Variants in IGF2BP2 observed in about 807,000 individuals in gnomAD.
IGF2BP2 encodes insulin-like growth factor 2 mRNA-binding protein 2.
Under a neutral mutation model 75.8 loss-of-function variants are expected in IGF2BP2, and 17 were observed. The ratio of observed to expected loss-of-function variants is 0.22; its 90% CI spans 0.15 to 0.34. IGF2BP2 has a LOEUF of 0.34. Ranked by LOEUF, IGF2BP2 falls within the 10% of genes least tolerant of loss-of-function variation. IGF2BP2 has a pLI of 1.00. For missense variants in IGF2BP2, 516 were observed against 772.4 expected (o/e 0.67, Z 3.93); for synonymous variants, 288 against 295.6 (o/e 0.97, Z 0.26).
rs1359465743 is a variant in IGF2BP2, at chr3:185,689,761, G to A, written c.405-134C>T. ...AGGCGGGTGGATCACGAGGTCAGGA[G>A]ATCGAGACCATCCCGGCTAAAACGG... On this transcript the variant is annotated intron_variant, in intron 5 of 15. Coordinates refer to ENST00000382199, the MANE Select transcript of IGF2BP2 (RefSeq NM_006548.6). The A allele has an allele frequency of 5.4e-6, 5 of 924,804 alleles. No individual in the cohort carries two copies. The South Asian group carries it at 6.1e-5, about 11-fold the overall frequency. 57.3% of individuals were successfully genotyped at this position (924,804 alleles called of 1,614,324 possible). A position where few individuals can be genotyped will look rare whatever the true frequency, so the allele number is the denominator to read the frequency against.
intron 2 of IGF2BP2, among the ~76,000 whole-genome samples, chr3:185,752,879 G>T (rs758922521): frequency 6.6e-6 from 1 of 152,266 alleles, no homozygotes; most frequent in South Asian, 2.1e-4. Context: ...TTACAGGCAT[G>T]AGCCACCATG....
At chr3:185,801,811 C>T (rs1268386715) in intron 2 of IGF2BP2, among the ~76,000 whole-genome samples, 10 of 152,172 alleles carry the variant, frequency 6.6e-5, no homozygotes, top group Non-Finnish European at 1.3e-4. Context: ...ATGTGGCACA[C>T]ATACAGCATG....
chr3:185,823,336 A>ACC, intron 1 of IGF2BP2, 123 bp from the exon 2 acceptor site: 1 of 595,450 alleles, frequency 1.7e-6, no homozygotes, highest in Non-Finnish European at 2.8e-6. Context: ...GGGGTCTCCT[A>ACC]CCCGGATCGA....
Position 185,668,487 on chromosome 3 carries a change from CGA to C in IGF2BP2, c.1200+4052_1200+4053del, listed in dbSNP as rs1274930634. ...AACTTCAAACAAAAGTTCATTTGTT[CGA>C]GAGAGAGAGAGAGAGAGAGATATAT... On this transcript the variant is annotated intron_variant, in intron 10 of 15. Coordinates refer to ENST00000382199, the MANE Select transcript of IGF2BP2 (RefSeq NM_006548.6). Among the ~76,000 whole-genome samples the C allele has an allele frequency of 3.1e-3, 390 of 124,718 alleles. 4 individuals carry two copies. The highest frequency in any genetic ancestry group is 6.4e-3 in the East Asian group (27 of 4,238). The allele number at this position is 124,718 out of a possible 152,430, so 81.8% of individuals were successfully genotyped here.
At chr3:185,739,075 T>C (rs530092484) in intron 2 of IGF2BP2, among the ~76,000 whole-genome samples, 3 of 152,378 alleles carry the variant, frequency 2.0e-5, no homozygotes, top group African/African-American at 7.2e-5. Flanking sequence ...AAAGCTGCCC[T>C]TTTATATGTG....
intron 2 of IGF2BP2, among the ~76,000 whole-genome samples, chr3:185,789,195 T>A (rs985716170): frequency 5.9e-5 from 9 of 152,174 alleles, no homozygotes; most frequent in Admixed American, 2.0e-4. Context: ...GAATCTTAAC[T>A]AGTTGTTTGA....
chr3:185,713,074 ATGTG>A (rs201252245), intron 2 of IGF2BP2, among the ~76,000 whole-genome samples: 7,597 of 144,534 alleles, frequency 0.053, 189 homozygotes, highest in Non-Finnish European at 0.061. Flanking sequence ...ACAGATATGT[ATGTG>A]TGTGTGTGTG....
At chr3:185,712,140 T>A (rs1209659248) in intron 2 of IGF2BP2, among the ~76,000 whole-genome samples, 1 of 152,250 alleles carries the variant, frequency 6.6e-6, no homozygotes, top group Non-Finnish European at 1.5e-5. Context: ...TAGTTCAGGA[T>A]GGTTTCAGAA....
At chr3:185,727,690 G>C (rs1233638631) in intron 2 of IGF2BP2, among the ~76,000 whole-genome samples, 4 of 152,126 alleles carry the variant, frequency 2.6e-5, no homozygotes, top group Non-Finnish European at 5.9e-5. Flanking sequence ...GACACTGTTT[G>C]AATATTATAA....
rs760055007 is a variant in IGF2BP2, at chr3:185,692,766, G to C, written c.341-4C>G. ...GCGGTTTCTGTGTCTGTGTTGACTA[G>C]GGAAAAGGCAAAAACTACACTGTCA... On this transcript the variant is annotated splice_polypyrimidine_tract_variant and splice_region_variant and intron_variant, in intron 4 of 15. Coordinates refer to ENST00000382199, the MANE Select transcript of IGF2BP2 (RefSeq NM_006548.6). 1.9e-6 allele frequency: 3 copies of C among 1,613,566 alleles called. No homozygotes were observed. Among genetic ancestry groups the C allele is most frequent in the South Asian group, 1.1e-5 (1 of 90,970 alleles).
At chr3:185,793,957 CTTTTTTT>C (rs576340143) in intron 2 of IGF2BP2, among the ~76,000 whole-genome samples, 3 of 125,512 alleles carry the variant, frequency 2.4e-5, no homozygotes, top group Non-Finnish European at 1.6e-5. Flanking sequence ...AAGCAGATTC[CTTTTTTT>C]TTTTTTTTTT....
intron 7 of IGF2BP2, among the ~76,000 whole-genome samples, chr3:185,678,924 A>T (rs1191988201): frequency 1.3e-5 from 2 of 152,120 alleles, no homozygotes; most frequent in Admixed American, 6.5e-5. Flanking sequence ...TATTCATCTG[A>T]TAATAGTATA....
intron 2 of IGF2BP2, among the ~76,000 whole-genome samples, chr3:185,807,795 T>C (rs1739218380): frequency 6.6e-6 from 1 of 152,232 alleles, no homozygotes; most frequent in South Asian, 2.1e-4. Context: ...TGTGAAGAAC[T>C]AAGGCCTCCA....
intron 2 of IGF2BP2, among the ~76,000 whole-genome samples, chr3:185,769,744 G>A (rs1180555621): frequency 1.4e-5 from 2 of 145,490 alleles, no homozygotes; most frequent in African/African-American, 2.6e-5. Flanking sequence ...TGGAAGGATC[G>A]ATTGAGCCCA....
chr3:185,682,775 G>A (rs1237174428), intron 7 of IGF2BP2, among the ~76,000 whole-genome samples: 2 of 152,116 alleles, frequency 1.3e-5, no homozygotes, highest in Non-Finnish European at 2.9e-5. Context: ...AGCTGTTATC[G>A]AAATAACAGA....
chr3:185,804,717 C>T (rs1423925221), intron 2 of IGF2BP2, among the ~76,000 whole-genome samples: 3 of 151,752 alleles, frequency 2.0e-5, no homozygotes, highest in East Asian at 2.0e-4. Context: ...AGGCCAGGCA[C>T]GGTGGCTCAC....
intron 2 of IGF2BP2, among the ~76,000 whole-genome samples, chr3:185,752,224 T>C (rs1731061431): frequency 6.6e-6 from 1 of 152,080 alleles, no homozygotes; most frequent in Non-Finnish European, 1.5e-5. Flanking sequence ...TCCAGCACAA[T>C]GACACATCCA....
rs1460796517 is a variant in IGF2BP2 at position 185,643,525 on chromosome 3, T to C, written c.*2006A>G. 4.6e-5 allele frequency among the ~76,000 whole-genome samples: 7 copies of C among 152,350 alleles called. No homozygotes were observed. Among genetic ancestry groups the C allele is most frequent in the African/African-American group, 7.2e-5 (3 of 41,584 alleles). On this transcript the variant is annotated 3_prime_UTR_variant, in exon 16 of 16. Coordinates refer to ENST00000382199, the MANE Select transcript of IGF2BP2 (RefSeq NM_006548.6). The stretch of plus-strand genomic sequence containing the variant: ...ACATTTCTAACAAGTTCCCAGATGA[T>C]AGCTGATGCTGCTGGTCTGGGGACT...
chr3:185,820,227 TATACACATACACACACACACAC>T (rs1278566641), intron 2 of IGF2BP2, among the ~76,000 whole-genome samples: 14 of 91,692 alleles, frequency 1.5e-4, no homozygotes, highest in African/African-American at 9.2e-4. Context: ...TATGTGTATA[TATACACATACACACACACACAC>T]ACACACACAC....
Sources: gnomAD v4.1 joint callset for allele counts (sites outside exome capture counted in the v4.1 genomes callset) on GRCh38, gnomAD v4.1.1 for gene constraint, MANE v1.5 for transcripts, NCBI Gene and HGNC (gene_info 2026-07-23, HGNC 2026-07-21) for gene names.